TMTC1: variants seen among roughly 807,000 people sequenced by gnomAD.
The protein encoded by TMTC1 is protein O-mannosyl-transferase TMTC1.
Under a neutral mutation model 104.8 loss-of-function variants are expected in TMTC1, and 73 were observed. The observed-to-expected ratio is 0.70, with a 90% confidence interval of 0.58 to 0.85. The LOEUF (loss-of-function observed/expected upper bound fraction) is 0.85, where lower values mean the gene tolerates loss of function less well. Ranked by LOEUF, TMTC1 falls within the 40% of genes least tolerant of loss-of-function variation. The pLI is 0.00. For missense variants in TMTC1, 1,035 were observed against 1,096.1 expected, an observed-to-expected ratio of 0.94 and a Z score of 0.79; for synonymous variants, 434 against 428.7, an observed-to-expected ratio of 1.01 and a Z score of -0.15.
chr12:29,600,129 A>AC (rs980797257), intron 7 of TMTC1, among the ~76,000 whole-genome samples: 6 of 151,324 alleles, frequency 4.0e-5, no homozygotes, highest in African/African-American at 1.5e-4. Context: ...TAAAAAAAAA[A>AC]AACATTTTGA....
At chr12:29,779,841 C>T (rs1056162833) in intron 1 of TMTC1, among the ~76,000 whole-genome samples, 6 of 148,750 alleles carry the variant, frequency 4.0e-5, no homozygotes, top group Admixed American at 2.0e-4. Flanking sequence ...TTAAAAAAAA[C>T]ACTTAAAAAT....
chr12:29,736,830 T>C (rs187944355), intron 5 of TMTC1, among the ~76,000 whole-genome samples: 14 of 152,282 alleles, frequency 9.2e-5, no homozygotes, highest in African/African-American at 3.1e-4. Context: ...TGCACAGAGA[T>C]GCATTAACTT....
At chr12:29,553,247 A>G (rs1224538829) in intron 10 of TMTC1, among the ~76,000 whole-genome samples, 1 of 152,264 alleles carries the variant, frequency 6.6e-6, no homozygotes, top group Non-Finnish European at 1.5e-5. Flanking sequence ...CCAAGGTCAC[A>G]TAAAACCTCT....
At position 29,783,335 on chromosome 12, in the gene TMTC1, G is replaced by T; in HGVS notation, c.302+115C>A. The T allele has an allele frequency of 2.1e-6, 2 of 944,784 alleles. No homozygotes were observed. The highest frequency in any genetic ancestry group is 2.8e-6 in the Non-Finnish European group (2 of 720,974). The allele number at this position is 944,784 out of a possible 1,614,324, so 58.5% of individuals were successfully genotyped here. On this transcript the variant is annotated intron_variant, in intron 1 of 17. Transcript: ENST00000539277. This position sits in a 1 kb window ranked among gnomAD's most constrained non-coding sequence, Gnocchi z 4.7. Reference sequence around the variant, plus strand: ...TCCTGGAGAGGAGGGAGGCGTGGAGGGAAAGGGCGGCAAAAATGAAATGCC... The same window carrying T: ...TCCTGGAGAGGAGGGAGGCGTGGAGTGAAAGGGCGGCAAAAATGAAATGCC...
intron 2 of TMTC1, among the ~76,000 whole-genome samples, chr12:29,761,635 CT>C (rs1943352137): frequency 6.7e-6 from 1 of 150,222 alleles, no homozygotes; most frequent in South Asian, 2.1e-4. Flanking sequence ...TGGGATATAG[CT>C]TTTTAAAAAT....
chr12:29,752,362 A>C (rs1943112902), intron 4 of TMTC1, among the ~76,000 whole-genome samples: 1 of 152,188 alleles, frequency 6.6e-6, no homozygotes, highest in African/African-American at 2.4e-5. Context: ...ATGGGCAAAA[A>C]TTTAAACATC....
intron 1 of TMTC1, among the ~76,000 whole-genome samples, chr12:29,781,425 T>C (rs1423675542): frequency 6.6e-6 from 1 of 152,214 alleles, no homozygotes; most frequent in East Asian, 1.9e-4. Flanking sequence ...CCTTTGCCCT[T>C]GTTCTGTCAA....
chr12:29,513,428 G>A (rs965108634), intron 16 of TMTC1, among the ~76,000 whole-genome samples: 13 of 151,898 alleles, frequency 8.6e-5, no homozygotes, highest in African/African-American at 2.9e-4. Flanking sequence ...TGAAAATGTT[G>A]AAAAGGCAGA....
chr12:29,516,264 TA>T, intron 15 of TMTC1, 84 bp downstream of exon 15: 1 of 1,493,084 alleles, frequency 6.7e-7, no homozygotes, highest in African/African-American at 1.4e-5. Context: ...CCCAGGCTTA[TA>T]AACACGCAAA....
At chr12:29,520,528 T>C in intron 12 of TMTC1, 90 bp downstream of exon 12, 1 of 1,145,896 alleles carries the variant, frequency 8.7e-7, no homozygotes, top group Non-Finnish European at 1.3e-6. Flanking sequence ...CCCAGTGAAT[T>C]TTACTTCTGA....
intron 5 of TMTC1, among the ~76,000 whole-genome samples, chr12:29,647,397 T>G (rs979855514): frequency 6.6e-6 from 1 of 152,222 alleles, no homozygotes; most frequent in Non-Finnish European, 1.5e-5. Context: ...ACAGAGCAGT[T>G]CATTTTGCAC....
chr12:29,740,906 GTTCA>G (rs1942807765), intron 5 of TMTC1, among the ~76,000 whole-genome samples: 1 of 152,164 alleles, frequency 6.6e-6, no homozygotes, highest in Non-Finnish European at 1.5e-5. Flanking sequence ...CAGAAACCGT[GTTCA>G]ACACATGTCC....
chr12:29,663,784 T>G (rs1591888236), intron 5 of TMTC1, among the ~76,000 whole-genome samples: 2 of 151,442 alleles, frequency 1.3e-5, no homozygotes, highest in African/African-American at 2.4e-5. Context: ...CTCAAAGTGC[T>G]GGGATTACAG....
chr12:29,546,883 A>C (rs1182832905), intron 10 of TMTC1, among the ~76,000 whole-genome samples: 1 of 144,540 alleles, frequency 6.9e-6, no homozygotes, highest in Non-Finnish European at 1.5e-5. Context: ...CCTGGGCAAC[A>C]TAGTGAGTCC....
chr12:29,570,598 C>G (rs972352646), intron 9 of TMTC1, among the ~76,000 whole-genome samples: 1 of 152,120 alleles, frequency 6.6e-6, no homozygotes, highest in African/African-American at 2.4e-5. Context: ...AATCTCAGCA[C>G]TTTGGGAGGC....
In TMTC1 at chr12:29,591,107, A is replaced by G. The variant is rs572953574; in HGVS notation, c.1251-7533T>C. Among the ~76,000 whole-genome samples, 7 of 152,388 alleles carry G rather than the reference A, an allele frequency of 4.6e-5. No individual in the cohort carries two copies. The South Asian group carries it at 1.2e-3, about 27-fold the overall frequency. ...ATGGTTTAAAGAAATGTTAAGCCAT[A>G]CAAAATAATCTCTACTTAGGTTTGC... On this transcript the variant is annotated intron_variant, in intron 7 of 17. Transcript: ENST00000539277.
chr12:29,676,866 G>T (rs1006552411), intron 5 of TMTC1, among the ~76,000 whole-genome samples: 1 of 152,184 alleles, frequency 6.6e-6, no homozygotes. Flanking sequence ...GGCAGTTGGG[G>T]AGTCATTAAG....
At chr12:29,782,745 TGTAAAA>T (rs1943863065) in intron 1 of TMTC1, 2 of 152,294 alleles carry the variant, frequency 1.3e-5, no homozygotes, top group Middle Eastern at 3.4e-3. Flanking sequence ...ACTCCGAGGT[TGTAAAA>T]GAAAAACTAT....
rs192517992 is a variant in TMTC1 at position 29,770,417 on chromosome 12, A to G, written c.303-2342T>C. Among the ~76,000 whole-genome samples the G allele has an allele frequency of 2.2e-3, 332 of 152,302 alleles. 3 individuals carry two copies. The highest frequency in any genetic ancestry group is 0.02 in the Admixed American group (311 of 15,284). On this transcript the variant is annotated intron_variant, in intron 1 of 17. Coordinates refer to ENST00000539277, the MANE Select transcript of TMTC1 (RefSeq NM_001193451.2). The stretch of plus-strand genomic sequence containing the variant: ...GAAAAAATACTTCTGTAAGACAGAC[A>G]TGCAGAATAGAGAGACTTCTGACGG...
Sources: allele counts gnomAD v4.1 joint callset (sites outside exome capture counted in the v4.1 genomes callset), GRCh38; gene constraint gnomAD v4.1.1; non-coding constraint Gnocchi (gnomAD v3.1); transcripts MANE v1.5; gene names NCBI Gene and HGNC (gene_info 2026-07-23, HGNC 2026-07-21).